The following DOCK5 variants were observed in gnomAD, a reference collection of about 807,000 sequenced individuals.
DOCK5 encodes the protein dedicator of cytokinesis protein 5.
In DOCK5, 142 loss-of-function variants were observed where a neutral mutation model predicts 251.8. The observed-to-expected ratio is 0.56, with a 90% CI of 0.49 to 0.65. The LOEUF (loss-of-function observed/expected upper bound fraction) is 0.65. DOCK5 is among the 30% of genes least tolerant of loss of function. The pLI, the probability that DOCK5 is intolerant of heterozygous loss-of-function variation, is 0.00. For missense variants in DOCK5, 2,111 were observed against 2,312.3 expected, an observed-to-expected ratio of 0.91 and a Z score of 1.79; for synonymous variants, 842 against 835.5, an observed-to-expected ratio of 1.01 and a Z score of -0.13.
Position 25,377,324 on chromosome 8 carries a change from T to C in DOCK5, c.3836T>C (p.Val1279Ala). ...ELLQWSDKPCVPHLLQKDSYY... is the reference protein window; with the variant it reads ...ELLQWSDKPCAPHLLQKDSYY... ...TTTCAGTGGTCTGACAAGCCCTGTG[T>C]GCCTCATTTGCTTCAGAAGGACAGT... is the stretch of plus-strand genomic sequence containing the variant. The change falls in exon 38 of 52, where the codon GTG (valine) becomes GCG (alanine). Residue 1279 changes from valine (V) to alanine (A), a missense_variant. Val to Ala is a moderately conservative substitution (Grantham distance 64). Around this residue, in one of 3 missense-constraint regions of DOCK5, gnomAD observed 1,717 missense variants for 1,892.4 expected, o/e 0.91. Coordinates refer to ENST00000276440, the MANE Select transcript of DOCK5 (RefSeq NM_024940.8). 1 of 1,613,528 alleles carries C rather than the reference T, an allele frequency of 6.2e-7. No individual in the cohort carries two copies. The highest frequency in any genetic ancestry group is 1.3e-5 in the African/African-American group (1 of 75,046).
At chr8:25,249,825 G>C (rs1365232960) in intron 2 of DOCK5, among the ~76,000 whole-genome samples, 2 of 152,224 alleles carry the variant, frequency 1.3e-5, no homozygotes, top group African/African-American at 4.8e-5. Context: ...GGCTCAGGCA[G>C]TTCTCCTGCC....
intron 18 of DOCK5, among the ~76,000 whole-genome samples, chr8:25,328,783 T>C (rs2117212145): frequency 6.6e-6 from 1 of 152,290 alleles, no homozygotes; most frequent in East Asian, 1.9e-4. Flanking sequence ...ATAGATTTGT[T>C]TCCCAGGAAA....
chr8:25,202,676 AT>A (rs1369239181), intron 1 of DOCK5, among the ~76,000 whole-genome samples: 2 of 152,194 alleles, frequency 1.3e-5, no homozygotes, highest in African/African-American at 4.8e-5. Flanking sequence ...CCAAGCTTGT[AT>A]ATACAATGCT....
chr8:25,317,623 T>A (rs892270630), intron 14 of DOCK5, among the ~76,000 whole-genome samples: 1 of 152,186 alleles, frequency 6.6e-6, no homozygotes, highest in Non-Finnish European at 1.5e-5. Flanking sequence ...GTTTGTTTGT[T>A]TTTTTGAGAC....
intron 1 of DOCK5, among the ~76,000 whole-genome samples, chr8:25,200,426 G>A (rs780977395): frequency 1.3e-5 from 2 of 152,184 alleles, no homozygotes; most frequent in Admixed American, 6.5e-5. Flanking sequence ...AAACTATATA[G>A]CCATTAAAAA....
In DOCK5 at chr8:25,395,644, T is replaced by C. The variant is rs1260400647; in HGVS notation, c.4629T>C (p.Ser1543=). The change falls in exon 45 of 52, where the codon TCT becomes TCC. Residue 1543 remains serine, a synonymous_variant. Coordinates refer to ENST00000276440, the MANE Select transcript of DOCK5 (RefSeq NM_024940.8). ...AGCATGCCTGGGACCGGTCCCTCTC[T>C]GTGCACCCTCTCTCCATGCTGCTCA... ...VQQHAWDRSL[S]VHPLSMLLSG... is the part of the protein sequence containing the mutation. The C allele has an allele frequency of 6.2e-7, 1 of 1,613,620 alleles. No homozygotes were observed.
At chr8:25,397,864 G>T (rs1343747761) in intron 45 of DOCK5, among the ~76,000 whole-genome samples, 2 of 152,162 alleles carry the variant, frequency 1.3e-5, no homozygotes, top group African/African-American at 4.8e-5. Context: ...TACATTTCGG[G>T]ACCTTTGGCT....
intron 25 of DOCK5, among the ~76,000 whole-genome samples, chr8:25,342,857 C>T (rs113430543): frequency 0.029 from 4,381 of 149,360 alleles, 229 homozygotes; most frequent in African/African-American, 0.1. Context: ...TGCCACCAAG[C>T]CCAGCTAATT....
chr8:25,275,739 G>A (rs1319991297), intron 4 of DOCK5, among the ~76,000 whole-genome samples: 1 of 152,146 alleles, frequency 6.6e-6, no homozygotes, highest in African/African-American at 2.4e-5. Flanking sequence ...GGGAGGCTGA[G>A]GCAGGAGAAT....
intron 8 of DOCK5, 192 bp downstream of exon 8, chr8:25,299,293 G>C: frequency 3.6e-6 from 2 of 555,442 alleles, no homozygotes; most frequent in South Asian, 2.8e-5. Context: ...AATGAGGCCA[G>C]TTTGTATACT....
chr8:25,363,184 C>A, intron 29 of DOCK5, 43 bp downstream of exon 29: 1 of 1,512,390 alleles, frequency 6.6e-7, no homozygotes, highest in Middle Eastern at 1.7e-4. Context: ...TGTCTGAATA[C>A]CTAAGGCTGC....
At position 25,411,588 on chromosome 8, in the gene DOCK5, G is replaced by A; in HGVS notation, c.*290G>A. 1 of 285,446 alleles carries A rather than the reference G, an allele frequency of 3.5e-6. No individual in the cohort carries two copies. Among genetic ancestry groups the A allele is most frequent in the Non-Finnish European group, 6.4e-6 (1 of 155,094 alleles). 17.7% of individuals were successfully genotyped at this position (285,446 alleles called of 1,614,324 possible). A position where few individuals can be genotyped will look rare whatever the true frequency, so the allele number is the denominator to read the frequency against. ...CCATTGTTAAATGTCAGCCTGTACG[G>A]CAGAGACATGGTGGTCTGCACAAGC... On this transcript the variant is annotated 3_prime_UTR_variant, in exon 52 of 52. Coordinates refer to ENST00000276440, the MANE Select transcript of DOCK5 (RefSeq NM_024940.8).
chr8:25,341,894 C>T, intron 24 of DOCK5, 85 bp downstream of exon 24: 1 of 1,100,814 alleles, frequency 9.1e-7, no homozygotes, highest in Non-Finnish European at 1.3e-6. Context: ...CTACACCTGG[C>T]TTTTATTTTT....
chr8:25,331,492 G>T (rs1805681207), intron 18 of DOCK5, among the ~76,000 whole-genome samples: 1 of 152,028 alleles, frequency 6.6e-6, no homozygotes, highest in South Asian at 2.1e-4. Flanking sequence ...GTCAAAAAAT[G>T]TCTTAAGATT....
intron 5 of DOCK5, among the ~76,000 whole-genome samples, chr8:25,284,072 A>C (rs570210942): frequency 6.6e-6 from 1 of 152,246 alleles, no homozygotes; most frequent in East Asian, 1.9e-4. Context: ...TGACAAACCC[A>C]GTAATAGTTA....
chr8:25,314,003 G>T (rs1430053073), intron 13 of DOCK5, among the ~76,000 whole-genome samples: 1 of 151,724 alleles, frequency 6.6e-6, no homozygotes, highest in Non-Finnish European at 1.5e-5. Flanking sequence ...CACTCACTTG[G>T]CTTTCATCTG....
At chr8:25,368,931 TCTTTCCTAAGGCAA>T (rs1288515853) in intron 33 of DOCK5, among the ~76,000 whole-genome samples, 13 of 152,252 alleles carry the variant, frequency 8.5e-5, no homozygotes, top group African/African-American at 3.1e-4. Flanking sequence ...TTGCTACATG[TCTTTCCTAAGGCAA>T]CACCTGTCTG....
intron 1 of DOCK5, among the ~76,000 whole-genome samples, chr8:25,230,172 A>G (rs1432330574): frequency 6.6e-6 from 1 of 152,216 alleles, no homozygotes; most frequent in African/African-American, 2.4e-5. Context: ...AACGAGGACT[A>G]TGAGCTCTTT....
chr8:25,315,876 C>T (rs1228152973), intron 13 of DOCK5, among the ~76,000 whole-genome samples: 1 of 152,182 alleles, frequency 6.6e-6, no homozygotes, highest in East Asian at 1.9e-4. Context: ...TGAAAACGAT[C>T]AGTGCTCTAA....
Sources: gnomAD v4.1 joint callset for allele counts (sites outside exome capture counted in the v4.1 genomes callset) on GRCh38, gnomAD v4.1.1 for gene constraint, gnomAD v4.1.1 regional missense constraint, MANE v1.5 for transcripts, NCBI Gene and HGNC (gene_info 2026-07-23, HGNC 2026-07-21) for gene names.